Variants in PBX1 observed in about 807,000 individuals in gnomAD.
The protein encoded by PBX1 is pre-B-cell leukemia transcription factor 1.
A neutral mutation model predicts 53.4 loss-of-function variants in PBX1; 6 were observed. That is an observed-to-expected ratio of 0.11 (90% CI 0.06 to 0.22). The LOEUF is 0.22. Among genes scored for constraint, PBX1 ranks in the 10% least tolerant of loss-of-function variants. The pLI is 1.00. For missense variants in PBX1, 251 were observed against 551.4 expected, an observed-to-expected ratio of 0.46 and a Z score of 5.46; for synonymous variants, 204 against 212.3, an observed-to-expected ratio of 0.96 and a Z score of 0.34.
chr1:164,678,198 CCTT>C (rs1484017141), intron 2 of PBX1, among the ~76,000 whole-genome samples: 1 of 152,046 alleles, frequency 6.6e-6, no homozygotes. Flanking sequence ...ATGAGGATGT[CCTT>C]TGGTGGAACA....
Position 164,868,202 on chromosome 1 carries a change from G to A in PBX1, n.258-30986G>A, listed in dbSNP as rs1558052795. On this transcript the variant is annotated intron_variant and non_coding_transcript_variant, in intron 2 of 2. Coordinates refer to the PBX1 transcript ENST00000558796. ...ATGGTTTCCAGTTGAGCCACAGCCAGAGGTGACTTCTGAGGGGGGCCATTT... is the reference window on the plus strand; with the variant it reads ...ATGGTTTCCAGTTGAGCCACAGCCAAAGGTGACTTCTGAGGGGGGCCATTT... Among the ~76,000 whole-genome samples the A allele has an allele frequency of 2.0e-5, 3 of 152,180 alleles. No individual in the cohort carries two copies. The South Asian group carries it at 6.2e-4, about 32-fold the overall frequency.
At chr1:164,610,318 C>T (rs991469779) in intron 2 of PBX1, among the ~76,000 whole-genome samples, 2 of 152,026 alleles carry the variant, frequency 1.3e-5, no homozygotes, top group Admixed American at 6.6e-5. Context: ...GGGGCTGGTT[C>T]CAGGGCTCTG....
At chr1:164,841,855 G>A (rs146575143) in intron 8 of PBX1, among the ~76,000 whole-genome samples, 2 of 152,170 alleles carry the variant, frequency 1.3e-5, no homozygotes, top group East Asian at 3.9e-4. Flanking sequence ...TGAGGGGCTG[G>A]AGCACGTGCA....
At chr1:164,694,064 CT>C (rs35958146) in intron 2 of PBX1, among the ~76,000 whole-genome samples, 51 of 151,434 alleles carry the variant, frequency 3.4e-4, no homozygotes, top group African/African-American at 1.1e-3. Context: ...AGATTTCTAG[CT>C]TTTTTTTTCA....
intron 2 of PBX1, chr1:164,700,706 G>A: frequency 1.0e-6 from 1 of 985,410 alleles, no homozygotes; most frequent in South Asian, 4.7e-5. Flanking sequence ...AACTCTCCTG[G>A]ATGAGGTAGG....
intron 2 of PBX1, among the ~76,000 whole-genome samples, chr1:164,653,253 T>A (rs529004814): frequency 6.6e-6 from 1 of 152,222 alleles, no homozygotes; most frequent in Non-Finnish European, 1.5e-5. Context: ...GAGATTTATC[T>A]GTGTTATTGC....
rs747029494 is a variant in PBX1, at chr1:164,792,686, A to G, written c.458A>G (p.Lys153Arg). The G allele has an allele frequency of 6.2e-7, 1 of 1,613,936 alleles. No homozygotes were observed. The change falls in exon 3 of 9, where the codon AAA becomes AGA. Residue 153 changes from lysine (K) to arginine (R), a missense_variant. By Grantham distance (26) the Lys-to-Arg change is conservative. Around this residue, in one of 4 missense-constraint regions of PBX1, gnomAD observed 76 missense variants for 197.5 expected, o/e 0.38. Coordinates refer to ENST00000420696, the MANE Select transcript of PBX1 (RefSeq NM_002585.4). Reference protein sequence around the residue: ...NSVEHSDYRAKLSQIRQIYHT... With the variant: ...NSVEHSDYRARLSQIRQIYHT... Reference sequence around the variant, plus strand: ...GTGGAGCATTCAGATTACAGAGCCAAACTCTCACAGATCAGACAAATCTAC... The same window carrying G: ...GTGGAGCATTCAGATTACAGAGCCAGACTCTCACAGATCAGACAAATCTAC...
At chr1:164,685,403 C>T (rs1662038788) in intron 2 of PBX1, among the ~76,000 whole-genome samples, 1 of 152,178 alleles carries the variant, frequency 6.6e-6, no homozygotes, top group African/African-American at 2.4e-5. Context: ...CAAAATGTCC[C>T]AGACAAGTTT....
At chr1:164,749,382 C>T (rs1171697542) in intron 2 of PBX1, among the ~76,000 whole-genome samples, 2 of 152,086 alleles carry the variant, frequency 1.3e-5, no homozygotes, top group African/African-American at 2.4e-5. Context: ...AGTATTATTA[C>T]CCTACAAATA....
intron 2 of PBX1, among the ~76,000 whole-genome samples, chr1:164,616,481 T>C (rs1304874684): frequency 6.6e-6 from 1 of 152,224 alleles, no homozygotes; most frequent in Non-Finnish European, 1.5e-5. Flanking sequence ...CCTTGAGAAA[T>C]ATATTCCTGG....
chr1:164,616,117 C>G (rs1022531991), intron 2 of PBX1, among the ~76,000 whole-genome samples: 1 of 152,208 alleles, frequency 6.6e-6, no homozygotes, highest in Non-Finnish European at 1.5e-5. Flanking sequence ...CTCTCTCTCT[C>G]TCCACCTCTG....
intron 2 of PBX1, among the ~76,000 whole-genome samples, chr1:164,686,788 C>G (rs1319366032): frequency 4.6e-5 from 7 of 151,934 alleles, no homozygotes; most frequent in Non-Finnish European, 1.0e-4. Context: ...GAAACCCCGT[C>G]TCTACTAAAA....
At chr1:164,838,006 C>A (rs949460645) in intron 8 of PBX1, among the ~76,000 whole-genome samples, 4 of 152,124 alleles carry the variant, frequency 2.6e-5, no homozygotes, top group Non-Finnish European at 5.9e-5. Flanking sequence ...TAAGAAGGAG[C>A]CAGAGTAGAT....
intron 2 of PBX1, among the ~76,000 whole-genome samples, chr1:164,614,084 G>GCA (rs1183371585): frequency 6.6e-6 from 1 of 152,172 alleles, no homozygotes; most frequent in Non-Finnish European, 1.5e-5. Context: ...AAGAAACCAA[G>GCA]CACAGTTCCT....
rs1035778123 is a variant in PBX1 at position 164,847,518 on chromosome 1, A to G, written c.*842A>G. ...ACTGAGAAAGCAATATTTAGAACCT[A>G]TTGCAAAACTGGGCCTGAGTTAGGC... On this transcript the variant is annotated 3_prime_UTR_variant, in exon 9 of 9. Transcript: ENST00000420696. 11 of 1,061,358 alleles carry G rather than the reference A, an allele frequency of 1.0e-5. No individual in the cohort carries two copies. Among genetic ancestry groups the G allele is most frequent in the East Asian group, 1.0e-4 (2 of 19,636 alleles). 65.7% of individuals were successfully genotyped at this position (1,061,358 alleles called of 1,614,324 possible).
At chr1:164,653,573 G>A (rs900996681) in intron 2 of PBX1, among the ~76,000 whole-genome samples, 1 of 152,016 alleles carries the variant, frequency 6.6e-6, no homozygotes, top group African/African-American at 2.4e-5. Flanking sequence ...AGGAGTTCGA[G>A]ACCAGCCTGG....
chr1:164,664,146 A>G (rs1380523442), intron 2 of PBX1, among the ~76,000 whole-genome samples: 4 of 152,218 alleles, frequency 2.6e-5, no homozygotes, highest in Admixed American at 2.6e-4. Context: ...TCTCAACTGA[A>G]ACAGGTTAAC....
At chr1:164,698,812 A>G (rs1662937642) in intron 2 of PBX1, among the ~76,000 whole-genome samples, 1 of 152,130 alleles carries the variant, frequency 6.6e-6, no homozygotes, top group Non-Finnish European at 1.5e-5. Context: ...TCTCCTAAAT[A>G]CTCTCAAGCA....
chr1:164,638,279 G>T lies in PBX1; in HGVS notation c.265+74968G>T, dbSNP rs531715428. The stretch of plus-strand genomic sequence containing the variant: ...AAAATACAGATGGCTTCTATGGGTC[G>T]CTCTCTGCCCTAGCCATAGTGAGAG... On this transcript the variant is annotated intron_variant, in intron 2 of 8. Transcript: ENST00000420696. Among the ~76,000 whole-genome samples the T allele has an allele frequency of 5.3e-5, 8 of 152,336 alleles. No individual in the cohort carries two copies. The East Asian group carries it at 1.2e-3, about 22-fold the overall frequency.
Sources: gnomAD v4.1 joint callset for allele counts (sites outside exome capture counted in the v4.1 genomes callset) on GRCh38, gnomAD v4.1.1 for gene constraint, gnomAD v4.1.1 regional missense constraint, MANE v1.5 for transcripts, NCBI Gene and HGNC (gene_info 2026-07-23, HGNC 2026-07-21) for gene names.